Variants in ZNF100 observed in about 807,000 individuals in gnomAD.
ZNF100 encodes the protein zinc finger protein 100 (Y1).
ZNF100 carries 12 observed loss-of-function variants against 15.8 expected under a neutral mutation model. The observed-to-expected ratio is 0.76, with a 90% confidence interval of 0.49 to 1.23. ZNF100 has a LOEUF of 1.23. Among genes scored for constraint, ZNF100 ranks in the 50% most tolerant of loss-of-function variants. The pLI is 0.00. For synonymous variants in ZNF100, 226 were observed against 214.8 expected, an observed-to-expected ratio of 1.05 and a Z score of -0.45; for missense variants, 670 against 635.6, an observed-to-expected ratio of 1.05 and a Z score of -0.58.
Position 21,726,936 on chromosome 19 carries a change from C to T in ZNF100, c.1376G>A (p.Cys459Tyr), listed in dbSNP as rs1489019476. ...GTTAAAGGCTTTGCCACATTCGTCACATTTGTAGGGTTTCTCTCCAGTATG... is the reference window on the plus strand; with the variant it reads ...GTTAAAGGCTTTGCCACATTCGTCATATTTGTAGGGTTTCTCTCCAGTATG... Reference protein sequence around the residue: ...MIHTGEKPYKCDECGKAFNRS... With the variant: ...MIHTGEKPYKYDECGKAFNRS... The change falls in exon 5 of 5, where the codon TGT (cysteine) becomes TAT (tyrosine). Residue 459 changes from cysteine (C) to tyrosine (Y), a missense_variant. Physicochemically the swap from Cys to Tyr is radical, Grantham distance 194 (BLOSUM62 -2). Transcript: ENST00000358296. The T allele has an allele frequency of 3.1e-6, 5 of 1,611,422 alleles. No individual in the cohort carries two copies. The highest frequency in any genetic ancestry group is 4.2e-6 in the Non-Finnish European group (5 of 1,179,114).
rs1290006330 is a variant in ZNF100, at chr19:21,722,782, T to C, written c.*3901A>G. On this transcript the variant is annotated 3_prime_UTR_variant, in exon 5 of 5. Transcript: ENST00000358296. The stretch of plus-strand genomic sequence containing the variant: ...AAAAAATTATGTTATACTTTTATTA[T>C]ATAAGTATATATTTTAATAAAAGTA... The C allele has an allele frequency of 2.7e-5, 4 of 148,994 alleles. No homozygotes were observed. Among genetic ancestry groups the C allele is most frequent in the Admixed American group, 2.0e-4 (3 of 14,846 alleles). 9.2% of individuals were successfully genotyped at this position (148,994 alleles called of 1,614,324 possible).
At chr19:21,745,429 G>A (rs2036194865) in intron 2 of ZNF100, among the ~76,000 whole-genome samples, 1 of 151,904 alleles carries the variant, frequency 6.6e-6, no homozygotes, top group African/African-American at 2.4e-5. Flanking sequence ...GGCACCTCCT[G>A]AATTTTAATG....
At chr19:21,763,026 G>A (rs1047137586) in intron 2 of ZNF100, among the ~76,000 whole-genome samples, 2 of 152,152 alleles carry the variant, frequency 1.3e-5, no homozygotes, top group Non-Finnish European at 2.9e-5. Flanking sequence ...GAAACATCAG[G>A]CAGTTACCCT....
chr19:21,760,465 A>T (rs550412047), intron 2 of ZNF100, among the ~76,000 whole-genome samples: 19 of 151,980 alleles, frequency 1.3e-4, no homozygotes, highest in Non-Finnish European at 2.4e-4. Flanking sequence ...ACTACACTCC[A>T]GCCTAGGGGA....
At chr19:21,754,471 C>T (rs2036360837) in intron 2 of ZNF100, among the ~76,000 whole-genome samples, 1 of 151,936 alleles carries the variant, frequency 6.6e-6, no homozygotes, top group Non-Finnish European at 1.5e-5. Context: ...GAACAGAGAC[C>T]TCAGAAATAC....
At chr19:21,745,638 T>A (rs1450657881) in intron 2 of ZNF100, among the ~76,000 whole-genome samples, 1 of 151,972 alleles carries the variant, frequency 6.6e-6, no homozygotes, top group Non-Finnish European at 1.5e-5. Context: ...TTCTCCTGCC[T>A]CAGCCTCCCG....
intron 2 of ZNF100, among the ~76,000 whole-genome samples, chr19:21,745,923 C>A (rs890569753): frequency 6.6e-6 from 1 of 152,146 alleles, no homozygotes; most frequent in Non-Finnish European, 1.5e-5. Flanking sequence ...CTGTGTTTTA[C>A]CAGATTTTTC....
At chr19:21,747,617 T>C (rs1202401799) in intron 2 of ZNF100, among the ~76,000 whole-genome samples, 1 of 150,346 alleles carries the variant, frequency 6.7e-6, no homozygotes, top group Non-Finnish European at 1.5e-5. Context: ...GTCCCTGACA[T>C]TCAGCACTCT....
At chr19:21,745,769 G>A (rs113019353) in intron 2 of ZNF100, among the ~76,000 whole-genome samples, 104 of 152,148 alleles carry the variant, frequency 6.8e-4, no homozygotes, top group African/African-American at 2.3e-3. Flanking sequence ...TGATCCACCC[G>A]CCTCGGCCTC....
intron 2 of ZNF100, among the ~76,000 whole-genome samples, chr19:21,764,740 T>A (rs192564953): frequency 9.8e-5 from 15 of 152,310 alleles, no homozygotes. Context: ...ATGAGTCATA[T>A]GGGAGCACTT....
rs1245184100 is a variant in ZNF100 at position 21,725,600 on chromosome 19, T to G, written c.*1083A>C. The G allele has an allele frequency of 6.6e-6, 1 of 152,150 alleles. No homozygotes were observed. The highest frequency in any genetic ancestry group is 2.1e-4 in the South Asian group (1 of 4,834). The allele number at this position is 152,150 out of a possible 1,614,324, so 9.4% of individuals were successfully genotyped here. On this transcript the variant is annotated 3_prime_UTR_variant, in exon 5 of 5. Coordinates refer to ENST00000358296, the MANE Select transcript of ZNF100 (RefSeq NM_173531.4). ...ATGCAGCAACAATTGATCACATGCT[T>G]TCACATGTAAATAGGAGTGAAGAAA...
At chr19:21,762,774 G>C (rs1385534530) in intron 2 of ZNF100, among the ~76,000 whole-genome samples, 2 of 152,068 alleles carry the variant, frequency 1.3e-5, no homozygotes, top group Admixed American at 1.3e-4. Flanking sequence ...TTTTGAATAG[G>C]GCCTGGGTAA....
rs147769535 is a variant in ZNF100 at position 21,759,179 on chromosome 19, G to A, written c.96+6515C>T. Among the ~76,000 whole-genome samples the A allele has an allele frequency of 3.5e-3, 527 of 152,162 alleles. 6 individuals are homozygous for A. The highest frequency in any genetic ancestry group is 0.012 in the African/African-American group (509 of 41,516). ...CTGTTTAAAAACTGAGGACTCCTGC[G>A]ACCTTCCTCAAGTTCAATAATTTGA... On this transcript the variant is annotated intron_variant, in intron 2 of 4. Transcript: ENST00000358296.
At chr19:21,762,719 T>C (rs2036501080) in intron 2 of ZNF100, among the ~76,000 whole-genome samples, 1 of 151,938 alleles carries the variant, frequency 6.6e-6, no homozygotes, top group African/African-American at 2.4e-5. Flanking sequence ...ACAATAATAA[T>C]AGAGGGGGAA....
chr19:21,756,443 C>A (rs549941036), intron 2 of ZNF100, among the ~76,000 whole-genome samples: 20 of 152,124 alleles, frequency 1.3e-4, no homozygotes, highest in Non-Finnish European at 2.2e-4. Flanking sequence ...ACATCAACAA[C>A]ATCCAAGCCA....
chr19:21,737,431 C>T lies in ZNF100; in HGVS notation c.322+6586G>A, dbSNP rs1037137453. 9.9e-5 allele frequency among the ~76,000 whole-genome samples: 15 copies of T among 151,414 alleles called. No individual in the cohort carries two copies. In the East Asian group the frequency reaches 1.4e-3, roughly 14 times the overall value. On this transcript the variant is annotated intron_variant, in intron 4 of 4. Coordinates refer to ENST00000358296, the MANE Select transcript of ZNF100 (RefSeq NM_173531.4). ...GTGCTTATAATCCCATCTACTCAGG[C>T]GGCCGAGGCAGGAGAATTACTTGAA...
At chr19:21,733,136 T>C (rs1387910618) in intron 4 of ZNF100, among the ~76,000 whole-genome samples, 1 of 152,186 alleles carries the variant, frequency 6.6e-6, no homozygotes, top group Non-Finnish European at 1.5e-5. Flanking sequence ...AAAAAATGTA[T>C]AAATATAAAA....
chr19:21,733,179 G>GA lies in ZNF100; in HGVS notation c.323-5191dup, dbSNP rs1287444921. ...TTAAATGTAAATACAGACACATATAGAATTTTTTTACTATCATAATGATGC... is the reference window on the plus strand; with the variant it reads ...TTAAATGTAAATACAGACACATATAGAAATTTTTTTACTATCATAATGATGC... On this transcript the variant is annotated intron_variant, in intron 4 of 4. Transcript: ENST00000358296. 8.5e-5 allele frequency among the ~76,000 whole-genome samples: 13 copies of GA among 152,186 alleles called. No individual in the cohort carries two copies. In the East Asian group the frequency reaches 2.3e-3, roughly 27 times the overall value.
At chr19:21,758,871 T>C (rs1182128314) in intron 2 of ZNF100, among the ~76,000 whole-genome samples, 1 of 152,152 alleles carries the variant, frequency 6.6e-6, no homozygotes, top group Non-Finnish European at 1.5e-5. Flanking sequence ...CACACGACAA[T>C]GAAAGGCTTT....
Sources: allele counts gnomAD v4.1 joint callset (sites outside exome capture counted in the v4.1 genomes callset), GRCh38; gene constraint gnomAD v4.1.1; transcripts MANE v1.5; gene names NCBI Gene and HGNC (gene_info 2026-07-23, HGNC 2026-07-21).